LRBA: variants seen among roughly 807,000 people sequenced by gnomAD.
LRBA encodes the protein LPS responsive beige-like anchor protein.
LRBA carries 176 observed loss-of-function variants against 330.0 expected under a neutral mutation model. The ratio of observed to expected loss-of-function variants is 0.53; its 90% confidence interval spans 0.47 to 0.60. The LOEUF is 0.60. Ranked by LOEUF, LRBA falls within the 20% of genes least tolerant of loss-of-function variation. LRBA has a pLI of 0.00. For synonymous variants in LRBA, 1,230 were observed against 1,193.0 expected (o/e 1.03, Z -0.64); for missense variants, 3,259 against 3,444.8 (o/e 0.95, Z 1.35).
chr4:150,492,894 CT>C, intron 40 of LRBA, among the ~76,000 whole-genome samples: 1 of 152,284 alleles, frequency 6.6e-6, no homozygotes, highest in South Asian at 2.1e-4. Flanking sequence ...GCCACAGGAT[CT>C]AAACCCCAGT....
At chr4:150,740,216 G>A (rs951064663) in intron 35 of LRBA, among the ~76,000 whole-genome samples, 6 of 151,846 alleles carry the variant, frequency 4.0e-5, no homozygotes, top group Admixed American at 2.6e-4. Context: ...ATGCTTAGAG[G>A]GAAATTGATA....
At chr4:150,459,085 A>G (rs937876037) in intron 44 of LRBA, among the ~76,000 whole-genome samples, 17 of 151,876 alleles carry the variant, frequency 1.1e-4, no homozygotes, top group Non-Finnish European at 2.2e-4. Context: ...GAGCCAGTGA[A>G]TATGTCCAAA....
intron 26 of LRBA, among the ~76,000 whole-genome samples, chr4:150,845,496 C>T (rs918181488): frequency 1.3e-5 from 2 of 152,086 alleles, no homozygotes; most frequent in African/African-American, 4.8e-5. Context: ...ACATTATGTA[C>T]CCTTCACTAT....
At chr4:150,736,546 T>C (rs1025083923) in intron 35 of LRBA, among the ~76,000 whole-genome samples, 3 of 151,964 alleles carry the variant, frequency 2.0e-5, no homozygotes, top group African/African-American at 4.8e-5. Flanking sequence ...ACAACTAGAC[T>C]GAAACATAGT....
chr4:150,418,725 T>G (rs1327071136), intron 46 of LRBA, among the ~76,000 whole-genome samples: 1 of 152,226 alleles, frequency 6.6e-6, no homozygotes, highest in East Asian at 1.9e-4. Context: ...CACCTTTAAT[T>G]TTAAGAGAGC....
chr4:150,697,301 G>A (rs1383925628), intron 36 of LRBA, among the ~76,000 whole-genome samples: 4 of 109,288 alleles, frequency 3.7e-5, no homozygotes, highest in Non-Finnish European at 6.8e-5. Flanking sequence ...ACCAGCCTGG[G>A]TGACAGAGTG....
Position 150,583,895 on chromosome 4 carries a change from C to T in LRBA, c.6330+4153G>A, listed in dbSNP as rs763591175. On this transcript the variant is annotated intron_variant, in intron 40 of 56. Transcript: ENST00000651943. The surrounding 1 kb of genome is among the most constrained non-coding windows in gnomAD (Gnocchi z 9.8). The stretch of plus-strand genomic sequence containing the variant: ...GAGTGCGAGAAACACCCACGAGAAA[C>T]GGACTGGGACGAGTCGTGCCTGGGC... 2.5e-6 allele frequency: 4 copies of T among 1,613,030 alleles called. No individual in the cohort carries two copies. In the East Asian group the frequency reaches 6.7e-5, roughly 27 times the overall value.
At chr4:150,365,617 C>G (rs914991637) in intron 47 of LRBA, among the ~76,000 whole-genome samples, 3 of 151,838 alleles carry the variant, frequency 2.0e-5, no homozygotes, top group Non-Finnish European at 4.4e-5. Flanking sequence ...CATGGAGAAA[C>G]CCCATCTCTA....
At chr4:150,348,347 C>T (rs1736689248) in intron 48 of LRBA, among the ~76,000 whole-genome samples, 1 of 152,116 alleles carries the variant, frequency 6.6e-6, no homozygotes, top group Non-Finnish European at 1.5e-5. Context: ...AAAAGTAGAG[C>T]TACTTATGTC....
At chr4:150,746,512 T>TC (rs1331401228) in intron 35 of LRBA, among the ~76,000 whole-genome samples, 13 of 149,820 alleles carry the variant, frequency 8.7e-5, no homozygotes, top group African/African-American at 3.2e-4. Context: ...TCTTACTTTT[T>TC]TTTTTTTTTT....
chr4:151,008,895 G>A lies in LRBA; in HGVS notation c.216+5532C>T, dbSNP rs1233019125. Among the ~76,000 whole-genome samples, 7 of 144,702 alleles carry A rather than the reference G, an allele frequency of 4.8e-5. No individual in the cohort carries two copies. In the East Asian group the frequency reaches 6.3e-4, roughly 13 times the overall value. 94.9% of individuals were successfully genotyped at this position (144,702 alleles called of 152,430 possible). ...GGCTGAGATAGAATTGCTTGAACCC[G>A]GGAGGCGGAGGTTGCAGTGAGCCAA... is the stretch of plus-strand genomic sequence containing the variant. On this transcript the variant is annotated intron_variant, in intron 2 of 56. Coordinates refer to ENST00000651943, the MANE Select transcript of LRBA (RefSeq NM_001364905.1).
intron 43 of LRBA, among the ~76,000 whole-genome samples, chr4:150,470,037 G>A (rs914185201): frequency 2.0e-5 from 3 of 151,626 alleles, no homozygotes; most frequent in African/African-American, 4.9e-5. Flanking sequence ...ACAAAAATTA[G>A]CCGGGTGTGG....
intron 53 of LRBA, among the ~76,000 whole-genome samples, chr4:150,289,297 C>G (rs1428243412): frequency 1.3e-5 from 2 of 152,104 alleles, no homozygotes; most frequent in Non-Finnish European, 2.9e-5. Flanking sequence ...CACACACATG[C>G]AGAGTAATTT....
intron 40 of LRBA, among the ~76,000 whole-genome samples, chr4:150,559,662 A>AT (rs1767857337): frequency 1.1e-5 from 1 of 89,804 alleles, no homozygotes; most frequent in Non-Finnish European, 2.0e-5. Context: ...ATATAATTAT[A>AT]ATATATATAT....
At chr4:150,688,400 A>G (rs913086906) in intron 36 of LRBA, among the ~76,000 whole-genome samples, 1 of 152,242 alleles carries the variant, frequency 6.6e-6, no homozygotes, top group African/African-American at 2.4e-5. Flanking sequence ...ATGGGCAAAG[A>G]CTTCATGACT....
At chr4:150,578,402 A>AT (rs1212257273) in intron 40 of LRBA, among the ~76,000 whole-genome samples, 2 of 151,938 alleles carry the variant, frequency 1.3e-5, no homozygotes, top group African/African-American at 2.4e-5. Flanking sequence ...AAATATGCCA[A>AT]TTTTTTTTGA....
intron 4 of LRBA, among the ~76,000 whole-genome samples, chr4:150,927,223 A>C (rs2149505869): frequency 6.6e-6 from 1 of 151,800 alleles, no homozygotes; most frequent in Admixed American, 6.6e-5. Flanking sequence ...AAATACAAAA[A>C]TTAGCCGCAC....
chr4:150,736,912 A>G lies in LRBA; in HGVS notation c.5646-1546T>C, dbSNP rs76911484. On this transcript the variant is annotated intron_variant, in intron 35 of 56. Coordinates refer to ENST00000651943, the MANE Select transcript of LRBA (RefSeq NM_001364905.1). ...AATGCAATGACCTATTTGAAATACT[A>G]AACAAAAATACTACCTAAAAGGCCA... Among the ~76,000 whole-genome samples, 695 of 152,218 alleles carry G rather than the reference A, an allele frequency of 4.6e-3. 6 individuals carry two copies. The highest frequency in any genetic ancestry group is 0.016 in the African/African-American group (664 of 41,548).
At chr4:150,290,285 A>G (rs1409956745) in intron 53 of LRBA, among the ~76,000 whole-genome samples, 2 of 152,178 alleles carry the variant, frequency 1.3e-5, no homozygotes, top group Non-Finnish European at 2.9e-5. Context: ...ATAATCTCTC[A>G]TTGAAGTCTC....
Sources: allele counts gnomAD v4.1 joint callset (sites outside exome capture counted in the v4.1 genomes callset), GRCh38; gene constraint gnomAD v4.1.1; non-coding constraint Gnocchi (gnomAD v3.1); transcripts MANE v1.5; gene names NCBI Gene and HGNC (gene_info 2026-07-23, HGNC 2026-07-21).